Variants in DPP6 observed in about 807,000 individuals in gnomAD.
DPP6 encodes the protein A-type potassium channel modulatory protein DPP6.
Under a neutral mutation model 122.6 loss-of-function variants are expected in DPP6, and 69 were observed. The observed-to-expected ratio is 0.56, with a 90% CI of 0.46 to 0.69. The LOEUF (loss-of-function observed/expected upper bound fraction) is 0.69, where lower values mean the gene tolerates loss of function less well. Among genes scored for constraint, DPP6 ranks in the 30% least tolerant of loss-of-function variants. The probability of loss-of-function intolerance (pLI) is 0.00; values close to 1 mark genes in which losing one functional copy is unlikely to be tolerated. For missense variants in DPP6, 928 were observed against 1,116.9 expected (o/e 0.83, Z 2.41); for synonymous variants, 418 against 433.1 (o/e 0.97, Z 0.43).
At chr7:154,237,777 A>C (rs1159285357) in intron 1 of DPP6, among the ~76,000 whole-genome samples, 1 of 152,208 alleles carries the variant, frequency 6.6e-6, no homozygotes, top group African/African-American at 2.4e-5. Flanking sequence ...CTAAAGACAA[A>C]TAGAAGTGTT....
chr7:154,111,758 G>A (rs3115126), intron 1 of DPP6, among the ~76,000 whole-genome samples: 1 of 151,682 alleles, frequency 6.6e-6, no homozygotes, highest in Non-Finnish European at 1.5e-5. Flanking sequence ...TCTGAATATG[G>A]CTGAAGCAAA....
intron 1 of DPP6, among the ~76,000 whole-genome samples, chr7:154,074,909 C>T (rs1362434261): frequency 6.6e-6 from 1 of 151,028 alleles, no homozygotes; most frequent in Non-Finnish European, 1.5e-5. Context: ...ATGTATCTGA[C>T]ACAGTACTAC....
intron 1 of DPP6, among the ~76,000 whole-genome samples, chr7:154,183,771 C>A (rs1322422468): frequency 1.3e-5 from 2 of 152,204 alleles, no homozygotes; most frequent in African/African-American, 4.8e-5. Context: ...GCCTGCCTGG[C>A]TCACACTTTC....
chr7:154,289,927 C>G (rs1359701937), intron 1 of DPP6, among the ~76,000 whole-genome samples: 1 of 152,076 alleles, frequency 6.6e-6, no homozygotes, highest in African/African-American at 2.4e-5. Context: ...AACCAAGGAG[C>G]CCATAGGTTG....
intron 1 of DPP6, among the ~76,000 whole-genome samples, chr7:154,209,543 TAA>T (rs59919645): frequency 4.3e-4 from 38 of 88,648 alleles, no homozygotes; most frequent in Admixed American, 5.3e-4. Context: ...AAGTTGAAGT[TAA>T]AAAAAAAAAA....
At chr7:154,633,102 C>T (rs1364610135) in intron 5 of DPP6, among the ~76,000 whole-genome samples, 1 of 152,160 alleles carries the variant, frequency 6.6e-6, no homozygotes, top group Non-Finnish European at 1.5e-5. Flanking sequence ...ACTAAAATAA[C>T]TCATATTCAT....
chr7:154,522,841 G>T (rs909255655), intron 3 of DPP6, among the ~76,000 whole-genome samples: 28 of 152,206 alleles, frequency 1.8e-4, no homozygotes, highest in African/African-American at 6.5e-4. Flanking sequence ...TTATGGGAAC[G>T]TGCACCTCTG....
intron 1 of DPP6, among the ~76,000 whole-genome samples, chr7:154,150,924 G>A (rs985741725): frequency 6.6e-6 from 1 of 152,158 alleles, no homozygotes; most frequent in Non-Finnish European, 1.5e-5. Context: ...CAGGAGAGAG[G>A]CTGGCAAGGT....
intron 1 of DPP6, among the ~76,000 whole-genome samples, chr7:153,935,074 CAT>C (rs1801368262): frequency 6.6e-6 from 1 of 152,200 alleles, no homozygotes; most frequent in Non-Finnish European, 1.5e-5. Context: ...AATGTCCTGA[CAT>C]AACGCTGTGC....
At chr7:154,745,623 A>G (rs2131430580) in intron 8 of DPP6, among the ~76,000 whole-genome samples, 1 of 152,334 alleles carries the variant, frequency 6.6e-6, no homozygotes, top group South Asian at 2.1e-4. Flanking sequence ...TGCAAGACAC[A>G]TGCACCAGCA....
At position 154,198,116 on chromosome 7, in the gene DPP6, C is replaced by T. The variant is rs144050936; in HGVS notation, c.243+145053C>T. 5.0e-3 allele frequency among the ~76,000 whole-genome samples: 763 copies of T among 152,146 alleles called. 7 individuals carry two copies. The highest frequency in any genetic ancestry group is 0.017 in the African/African-American group (707 of 41,518). On this transcript the variant is annotated intron_variant, in intron 1 of 25. Transcript: ENST00000377770. ...GCAAACTTACGATCATCCTGGAGCACGGGGCCCTGTGTCATATGGATCCTG... is the reference window on the plus strand; with the variant it reads ...GCAAACTTACGATCATCCTGGAGCATGGGGCCCTGTGTCATATGGATCCTG...
chr7:154,517,963 G>A (rs996915822), intron 3 of DPP6, among the ~76,000 whole-genome samples: 5 of 152,086 alleles, frequency 3.3e-5, no homozygotes, highest in Admixed American at 6.6e-5. Context: ...CGGCTCCACC[G>A]ATAGCTATAA....
At chr7:153,778,671 C>T in the DPP6 span, among the ~76,000 whole-genome samples, 2 of 151,988 alleles carry the variant, frequency 1.3e-5, no homozygotes, top group Non-Finnish European at 2.9e-5. Flanking sequence ...CAATCCCCTC[C>T]CCTCACTTCC....
the DPP6 span, among the ~76,000 whole-genome samples, chr7:153,800,836 A>G: frequency 1.8e-4 from 28 of 152,150 alleles, no homozygotes. Context: ...AAACTTTATT[A>G]TATATTTCAA....
intron 1 of DPP6, chr7:154,057,702 C>T (rs1800977506): frequency 6.6e-6 from 1 of 150,434 alleles, no homozygotes; most frequent in African/African-American, 2.5e-5. Flanking sequence ...GGACCCGGAA[C>T]CTTTGAAATG....
intron 5 of DPP6, among the ~76,000 whole-genome samples, chr7:154,589,466 C>T (rs1377962005): frequency 6.6e-6 from 1 of 152,216 alleles, no homozygotes; most frequent in Non-Finnish European, 1.5e-5. Context: ...CTTTTTAAAA[C>T]TTCCCATCTG....
At position 154,218,974 on chromosome 7, in the gene DPP6, GATAT is replaced by G. The variant is rs199737767; in HGVS notation, c.243+165917_243+165920del. Among the ~76,000 whole-genome samples, 716 of 152,246 alleles carry G rather than the reference GATAT, an allele frequency of 4.7e-3. 5 individuals are homozygous for G. The highest frequency in any genetic ancestry group is 0.016 in the African/African-American group (671 of 41,534). ...TTTGCATTTCTGTACACATATTGAA[GATAT>G]ATATACACACACAGGTTTCCCAGAA... On this transcript the variant is annotated intron_variant, in intron 1 of 25. Transcript: ENST00000377770.
At chr7:153,784,750 G>A in the DPP6 span, among the ~76,000 whole-genome samples, 1 of 152,160 alleles carries the variant, frequency 6.6e-6, no homozygotes, top group African/African-American at 2.4e-5. Context: ...AGACTGGTGG[G>A]TTTTCTTCTT....
rs1208419625 is a variant in DPP6, at chr7:154,660,393, C to G, written c.681-8967C>G. ...ATATAGTCATGGTGAATCACCATGG[C>G]GTATTGGCCGTAGTGTTCATATAGT... On this transcript the variant is annotated intron_variant, in intron 6 of 25. Transcript: ENST00000377770. Among the ~76,000 whole-genome samples, 2 of 150,126 alleles carry G rather than the reference C, an allele frequency of 1.3e-5. 1 individual carries two copies. Among genetic ancestry groups the G allele is most frequent in the African/African-American group, 5.0e-5 (2 of 39,722 alleles).
Sources: gnomAD v4.1 joint callset for allele counts (sites outside exome capture counted in the v4.1 genomes callset) on GRCh38, gnomAD v4.1.1 for gene constraint, MANE v1.5 for transcripts, NCBI Gene and HGNC (gene_info 2026-07-23, HGNC 2026-07-21) for gene names.